Variants in GNG7 observed in about 807,000 individuals in gnomAD.
The protein encoded by GNG7 is G protein subunit gamma 7, also known as guanine nucleotide-binding protein G(I)/G(S)/G(O) subunit gamma-7.
In GNG7, 1 loss-of-function variant was observed where a neutral mutation model predicts 4.0. The ratio of observed to expected loss-of-function variants is 0.25; its 90% confidence interval spans 0.09 to 1.18. GNG7 has a LOEUF of 1.18. GNG7 is among the 50% of genes most tolerant of loss of function. GNG7 has a pLI of 0.50. For synonymous variants in GNG7, 34 were observed against 36.9 expected (o/e 0.92, Z 0.29); for missense variants, 86 against 91.9 (o/e 0.94, Z 0.26).
rs116961766 is a variant in GNG7 at position 2,596,738 on chromosome 19, G to T, written c.-77-41550C>A. 1.1e-3 allele frequency among the ~76,000 whole-genome samples: 174 copies of T among 151,420 alleles called. 3 individuals carry two copies. In the East Asian group the frequency reaches 0.026, roughly 23 times the overall value. On this transcript the variant is annotated intron_variant, in intron 2 of 4. Transcript: ENST00000382159. ...CTTTCACGTTCTGCACTGATGATCAGTTCCCATCCACCCCACACTGTTAAC... is the reference window on the plus strand; with the variant it reads ...CTTTCACGTTCTGCACTGATGATCATTTCCCATCCACCCCACACTGTTAAC...
chr19:2,519,153 T>TC (rs1368018936), intron 4 of GNG7, among the ~76,000 whole-genome samples: 1 of 138,596 alleles, frequency 7.2e-6, no homozygotes, highest in South Asian at 2.4e-4. Context: ...TTTCTTTTTT[T>TC]TTTTTTTTTT....
chr19:2,677,253 AT>A (rs60983729), intron 1 of GNG7, among the ~76,000 whole-genome samples: 47,455 of 145,434 alleles, frequency 0.33, 8,252 homozygotes, highest in Non-Finnish European at 0.4. Context: ...AGAGAATTCC[AT>A]TTTTTTTTTT....
intron 2 of GNG7, chr19:2,642,996 C>A (rs1982552307): frequency 4.4e-6 from 2 of 454,352 alleles, no homozygotes; most frequent in Non-Finnish European, 8.8e-6. Flanking sequence ...TGCGCCCTCT[C>A]CGGGCTCTAC....
chr19:2,688,668 G>A (rs921661601), intron 1 of GNG7, among the ~76,000 whole-genome samples: 3 of 152,098 alleles, frequency 2.0e-5, no homozygotes, highest in East Asian at 3.9e-4. Flanking sequence ...CCCCGGAGAC[G>A]AGCCGGCTAA....
At chr19:2,699,662 G>A (rs1913353461) in intron 1 of GNG7, among the ~76,000 whole-genome samples, 1 of 152,304 alleles carries the variant, frequency 6.6e-6, no homozygotes, top group African/African-American at 2.4e-5. Flanking sequence ...CCTACAGGAC[G>A]CTGGGTGATA....
intron 3 of GNG7, among the ~76,000 whole-genome samples, chr19:2,531,271 TC>T (rs1978573316): frequency 7.7e-6 from 1 of 129,990 alleles, no homozygotes; most frequent in African/African-American, 3.0e-5. Flanking sequence ...GCCACTGTAT[TC>T]CAGCTTTGGC....
Position 2,588,555 on chromosome 19 carries a change from C to A in GNG7, c.-77-33367G>T, listed in dbSNP as rs540167095. Among the ~76,000 whole-genome samples the A allele has an allele frequency of 3.2e-3, 489 of 152,326 alleles. 4 individuals carry two copies. Among genetic ancestry groups the A allele is most frequent in the African/African-American group, 0.011 (467 of 41,574 alleles). The stretch of plus-strand genomic sequence containing the variant: ...AGCCCAGGGCGGCGGCAGCTGGACG[C>A]GGGCCCCGTGGAACTTTCTCCCGTC... On this transcript the variant is annotated intron_variant, in intron 2 of 4. Coordinates refer to ENST00000382159, the MANE Select transcript of GNG7 (RefSeq NM_052847.3).
At chr19:2,596,315 T>C (rs1981019488) in intron 2 of GNG7, among the ~76,000 whole-genome samples, 1 of 151,952 alleles carries the variant, frequency 6.6e-6, no homozygotes, top group Non-Finnish European at 1.5e-5. Flanking sequence ...GCTGAGATCG[T>C]GCCTCTGCAC....
chr19:2,641,684 G>A (rs926536797), intron 2 of GNG7, among the ~76,000 whole-genome samples: 6 of 151,564 alleles, frequency 4.0e-5, no homozygotes, highest in African/African-American at 1.5e-4. Context: ...CTTTTTTTGA[G>A]ATGGAGTCTC....
intron 1 of GNG7, among the ~76,000 whole-genome samples, chr19:2,661,291 A>AG (rs1983153778): frequency 4.8e-5 from 2 of 41,668 alleles, no homozygotes; most frequent in South Asian, 8.6e-4. Context: ...AGAAAGAAAG[A>AG]AAGAAAGAAA....
chr19:2,623,234 C>G (rs1356349954), intron 2 of GNG7, among the ~76,000 whole-genome samples: 3 of 152,110 alleles, frequency 2.0e-5, no homozygotes. Context: ...ATGGGAGGAT[C>G]GCTTGAGCAT....
chr19:2,585,146 G>C (rs906592289), intron 2 of GNG7, among the ~76,000 whole-genome samples: 4 of 151,184 alleles, frequency 2.6e-5, no homozygotes, highest in Admixed American at 6.6e-5. Flanking sequence ...GAAGGGCCTT[G>C]TTCTTAGAAA....
intron 2 of GNG7, among the ~76,000 whole-genome samples, chr19:2,566,308 G>T (rs1342415653): frequency 2.0e-5 from 3 of 152,140 alleles, no homozygotes; most frequent in Non-Finnish European, 4.4e-5. Context: ...GAAGGCCAAG[G>T]ATCTCCGGCC....
intron 2 of GNG7, chr19:2,643,331 T>C: frequency 4.6e-6 from 2 of 431,474 alleles, no homozygotes; most frequent in Non-Finnish European, 9.2e-6. Context: ...TCTGCACACC[T>C]TCCGGCCCGG....
In GNG7 at chr19:2,511,772, C is replaced by G. The variant is rs1441459955; in HGVS notation, c.*3250G>C. 1 of 983,510 alleles carries G rather than the reference C, an allele frequency of 1.0e-6. No individual in the cohort carries two copies. The highest frequency in any genetic ancestry group is 1.2e-6 in the Non-Finnish European group (1 of 827,890). 60.9% of individuals were successfully genotyped at this position (983,510 alleles called of 1,614,324 possible). A position where few individuals can be genotyped will look rare whatever the true frequency, so the allele number is the denominator to read the frequency against. ...GAAACAGGAGCACCTTCCGCCCTGGCCCAGCCGCCCCGTTTATGTCCCCAG... is the reference window on the plus strand; with the variant it reads ...GAAACAGGAGCACCTTCCGCCCTGGGCCAGCCGCCCCGTTTATGTCCCCAG... On this transcript the variant is annotated 3_prime_UTR_variant, in exon 5 of 5. Coordinates refer to ENST00000382159, the MANE Select transcript of GNG7 (RefSeq NM_052847.3). The surrounding 1 kb of genome is among the most constrained non-coding windows in gnomAD (Gnocchi z 6.3).
chr19:2,554,945 C>T (rs916718454), intron 3 of GNG7, among the ~76,000 whole-genome samples: 3 of 152,148 alleles, frequency 2.0e-5, no homozygotes, highest in Non-Finnish European at 4.4e-5. Context: ...ACAGTTGACG[C>T]GAACCCACCC....
chr19:2,569,581 C>A (rs1399475003), intron 2 of GNG7, among the ~76,000 whole-genome samples: 1 of 152,090 alleles, frequency 6.6e-6, no homozygotes, highest in African/African-American at 2.4e-5. Context: ...GGCCAATCAT[C>A]TCCATTCTTA....
intron 2 of GNG7, chr19:2,595,053 A>AG (rs1980973122): frequency 1.3e-5 from 2 of 151,932 alleles, no homozygotes; most frequent in African/African-American, 2.4e-5. Context: ...CCAGGTGGTC[A>AG]AGGTTGCAGT....
intron 3 of GNG7, among the ~76,000 whole-genome samples, chr19:2,521,384 T>G (rs1231891550): frequency 6.6e-6 from 1 of 152,132 alleles, no homozygotes; most frequent in East Asian, 1.9e-4. Context: ...CAGGGGTTCT[T>G]GCCCTCCAGG....
Sources: allele counts gnomAD v4.1 joint callset (sites outside exome capture counted in the v4.1 genomes callset), GRCh38; gene constraint gnomAD v4.1.1; non-coding constraint Gnocchi (gnomAD v3.1); transcripts MANE v1.5; gene names NCBI Gene and HGNC (gene_info 2026-07-23, HGNC 2026-07-21).